Variants in WASHC4 observed in about 807,000 individuals in gnomAD.
WASHC4 encodes the protein WASH complex subunit 7.
In WASHC4, 86 loss-of-function variants were observed where a neutral mutation model predicts 166.6. The observed-to-expected ratio is 0.52, with a 90% CI of 0.43 to 0.62. The LOEUF (loss-of-function observed/expected upper bound fraction) is 0.62. WASHC4 is among the 20% of genes least tolerant of loss of function. WASHC4 has a pLI of 0.00. For synonymous variants in WASHC4, 446 were observed against 451.6 expected (o/e 0.99, Z 0.16); for missense variants, 1,262 against 1,382.4 (o/e 0.91, Z 1.38).
In WASHC4 at chr12:105,116,558, G is replaced by T. The variant is rs1880200973; in HGVS notation, c.435+830G>T. 2.6e-5 allele frequency among the ~76,000 whole-genome samples: 4 copies of T among 152,186 alleles called. No individual in the cohort carries two copies. In the South Asian group the frequency reaches 8.3e-4, roughly 32 times the overall value. On this transcript the variant is annotated intron_variant, in intron 6 of 32. Transcript: ENST00000332180. Reference sequence around the variant, plus strand: ...CTAGAGATCTGATGTACAACATGAAGATTACAGGTAATAAAATACCGTATA... The same window carrying T: ...CTAGAGATCTGATGTACAACATGAATATTACAGGTAATAAAATACCGTATA...
At position 105,114,366 on chromosome 12, in the gene WASHC4, TAAAC is replaced by T. The variant is rs775567714; in HGVS notation, c.264_267del (p.Asn88LysfsTer16). ...TGTTTTTACTCATGAAACTAGGTCT[TAAAC>T]AAAGTCATCACTGTTTATGCTGCAC... On this transcript the variant is annotated frameshift_variant, in exon 4 of 33. Transcript: ENST00000332180. LOFTEE classifies it high-confidence loss of function. 3.1e-5 allele frequency: 50 copies of T among 1,600,168 alleles called. No individual in the cohort carries two copies. The highest frequency in any genetic ancestry group is 3.8e-5 in the Non-Finnish European group (44 of 1,171,574).
intron 7 of WASHC4, among the ~76,000 whole-genome samples, chr12:105,119,238 A>C (rs560880067): frequency 1.3e-5 from 2 of 152,234 alleles, no homozygotes; most frequent in Admixed American, 6.5e-5. Flanking sequence ...CTGGACCATT[A>C]CCCTAAATCA....
In WASHC4 at chr12:105,119,743, G is replaced by A. The variant is rs558403989; in HGVS notation, c.519-812G>A. ...AATTTTGTGTTTAAATTTAAAATAT[G>A]CATTCTATCTTGTGGAATATCTATA... On this transcript the variant is annotated intron_variant, in intron 7 of 32. Coordinates refer to ENST00000332180, the MANE Select transcript of WASHC4 (RefSeq NM_015275.3). Among the ~76,000 whole-genome samples the A allele has an allele frequency of 5.5e-4, 84 of 152,274 alleles. 1 individual carries two copies. The highest frequency in any genetic ancestry group is 1.4e-3 in the Admixed American group (22 of 15,302).
At chr12:105,134,631 A>T (rs1489043922) in intron 14 of WASHC4, among the ~76,000 whole-genome samples, 1 of 152,040 alleles carries the variant, frequency 6.6e-6, no homozygotes, top group East Asian at 1.9e-4. Context: ...CTTTCGTGTG[A>T]TATTAACTAT....
chr12:105,110,247 ACTTTCT>A (rs1879538698), intron 1 of WASHC4, among the ~76,000 whole-genome samples: 1 of 152,206 alleles, frequency 6.6e-6, no homozygotes, highest in Admixed American at 6.5e-5. Context: ...GTCAGAACAC[ACTTTCT>A]CTTACTTGCT....
At chr12:105,160,177 T>A in intron 29 of WASHC4, 29 bp downstream of exon 29, 1 of 1,594,566 alleles carries the variant, frequency 6.3e-7, no homozygotes, top group African/African-American at 1.3e-5. Flanking sequence ...TAAAATGAAT[T>A]TTTTTTTTAA....
intron 13 of WASHC4, among the ~76,000 whole-genome samples, chr12:105,133,380 A>G (rs776055849): frequency 4.6e-5 from 7 of 152,212 alleles, no homozygotes; most frequent in Non-Finnish European, 8.8e-5. Flanking sequence ...TGATCATGCT[A>G]TATAAAATTG....
intron 13 of WASHC4, among the ~76,000 whole-genome samples, chr12:105,131,086 T>A (rs2464177): frequency 0.73 from 100,426 of 138,404 alleles, 36,375 homozygotes; most frequent in Middle Eastern, 0.87. Context: ...TTATTTATTT[T>A]TTTTTTTTTT....
intron 6 of WASHC4, among the ~76,000 whole-genome samples, chr12:105,117,306 C>G (rs1880278579): frequency 6.6e-6 from 1 of 152,186 alleles, no homozygotes; most frequent in East Asian, 1.9e-4. Flanking sequence ...CTTTCAGTGT[C>G]ATGTTTTAGT....
At position 105,127,272 on chromosome 12, in the gene WASHC4, A is replaced by C; in HGVS notation, c.1182A>C (p.Lys394Asn). The change falls in exon 13 of 33, where the codon AAA (lysine) becomes AAC (asparagine). Residue 394 changes from lysine to asparagine, a missense_variant. Coordinates refer to ENST00000332180, the MANE Select transcript of WASHC4 (RefSeq NM_015275.3). The part of the protein sequence containing the change: ...KIHRDTFLQQ[K>N]AQSLTKDVQS... Reference sequence around the variant, plus strand: ...ACAGGGATACTTTTCTACAACAGAAAGCTCAATCACTTACCAAGTAGGTTT... The same window carrying C: ...ACAGGGATACTTTTCTACAACAGAACGCTCAATCACTTACCAAGTAGGTTT... 1 of 1,610,150 alleles carries C rather than the reference A, an allele frequency of 6.2e-7. No individual in the cohort carries two copies. Among genetic ancestry groups the C allele is most frequent in the Non-Finnish European group, 8.5e-7 (1 of 1,176,492 alleles).
intron 28 of WASHC4, among the ~76,000 whole-genome samples, chr12:105,158,411 C>G (rs1294399018): frequency 6.6e-6 from 1 of 152,096 alleles, no homozygotes; most frequent in African/African-American, 2.4e-5. Flanking sequence ...GTAATGTGGC[C>G]TCTTGATGCA....
chr12:105,167,165 C>G lies in WASHC4; in HGVS notation c.*234C>G, dbSNP rs1237713457. 6.3e-6 allele frequency: 3 copies of G among 478,480 alleles called. No individual in the cohort carries two copies. The highest frequency in any genetic ancestry group is 7.5e-6 in the Non-Finnish European group (2 of 265,406). 29.6% of individuals were successfully genotyped at this position (478,480 alleles called of 1,614,324 possible). On this transcript the variant is annotated 3_prime_UTR_variant, in exon 33 of 33. Coordinates refer to ENST00000332180, the MANE Select transcript of WASHC4 (RefSeq NM_015275.3). Reference sequence around the variant, plus strand: ...GGATTTTTGCCTGGACTTGAGGGTACAAGATGTTTCTATTTGAAGTGAAGT... The same window carrying G: ...GGATTTTTGCCTGGACTTGAGGGTAGAAGATGTTTCTATTTGAAGTGAAGT...
intron 1 of WASHC4, among the ~76,000 whole-genome samples, chr12:105,110,508 T>G (rs866230769): frequency 1.3e-5 from 2 of 152,218 alleles, no homozygotes; most frequent in Admixed American, 1.3e-4. Context: ...AACAGCATAG[T>G]ATTCTGTAGT....
chr12:105,122,346 A>T (rs1482302677), intron 10 of WASHC4, 108 bp downstream of exon 10: 1 of 1,223,226 alleles, frequency 8.2e-7, no homozygotes, highest in Non-Finnish European at 1.2e-6. Flanking sequence ...AATTTTCTTT[A>T]AAAAGTGCTT....
intron 17 of WASHC4, 61 bp downstream of exon 17, chr12:105,141,106 G>T: frequency 6.2e-7 from 1 of 1,609,974 alleles, no homozygotes; most frequent in Non-Finnish European, 8.5e-7. Context: ...CAGTTCCCTT[G>T]TTACTGACCC....
chr12:105,139,253 A>G (rs1204096010), intron 15 of WASHC4, among the ~76,000 whole-genome samples: 6 of 151,560 alleles, frequency 4.0e-5, no homozygotes, highest in Admixed American at 3.9e-4. Flanking sequence ...CGGTTTTTGT[A>G]TCATAAACAA....
intron 24 of WASHC4, chr12:105,149,036 C>T (rs972914748): frequency 1.0e-6 from 1 of 975,640 alleles, no homozygotes; most frequent in Non-Finnish European, 1.2e-6. Flanking sequence ...TTTAACAATA[C>T]TTGTTTAAAA....
chr12:105,157,282 AAAG>A lies in WASHC4; in HGVS notation c.2879_2881del (p.Glu960del). ...TATTGTAAATTTTGAAGAACTAGTA[AAAG>A]AAGAAGGTCTTGCAGAAGAAACATT... On this transcript the variant is annotated inframe_deletion, in exon 28 of 33. Coordinates refer to ENST00000332180, the MANE Select transcript of WASHC4 (RefSeq NM_015275.3). 1 of 1,567,942 alleles carries A rather than the reference AAAG, an allele frequency of 6.4e-7. No individual in the cohort carries two copies. The highest frequency in any genetic ancestry group is 8.8e-7 in the Non-Finnish European group (1 of 1,141,426).
At chr12:105,118,780 A>C (rs1288030448) in intron 7 of WASHC4, among the ~76,000 whole-genome samples, 2 of 152,186 alleles carry the variant, frequency 1.3e-5, no homozygotes, top group African/African-American at 4.8e-5. Context: ...ATATAGAAGA[A>C]GGCTAACATG....
Sources: allele counts gnomAD v4.1 joint callset (sites outside exome capture counted in the v4.1 genomes callset), GRCh38; gene constraint gnomAD v4.1.1; transcripts MANE v1.5; gene names NCBI Gene and HGNC (gene_info 2026-07-23, HGNC 2026-07-21).